The following TNRC6A variants were observed in gnomAD, a reference collection of about 807,000 sequenced individuals.
TNRC6A encodes the protein trinucleotide repeat-containing gene 6A protein.
Under a neutral mutation model 221.2 loss-of-function variants are expected in TNRC6A, and 44 were observed. The observed-to-expected ratio is 0.20, with a 90% CI of 0.16 to 0.26. The LOEUF is 0.26. TNRC6A is among the 10% of genes least tolerant of loss of function. The pLI, the probability that TNRC6A is intolerant of heterozygous loss-of-function variation, is 1.00. For missense variants in TNRC6A, 2,199 were observed against 2,404.4 expected, an observed-to-expected ratio of 0.91 and a Z score of 1.79; for synonymous variants, 847 against 838.5, an observed-to-expected ratio of 1.01 and a Z score of -0.18.
rs151019290 is a variant in TNRC6A, at chr16:24,755,666, A to T, written c.142-2673A>T. Among the ~76,000 whole-genome samples the T allele has an allele frequency of 2.8e-3, 426 of 152,320 alleles. 5 individuals carry two copies. The highest frequency in any genetic ancestry group is 9.9e-3 in the African/African-American group (413 of 41,574). ...AGGTCTTAACGAAGTGTGCTTCAGG[A>T]CCATGTTGTTGGGACAAGCAGTGCA... On this transcript the variant is annotated intron_variant, in intron 3 of 24. Coordinates refer to ENST00000395799, the MANE Select transcript of TNRC6A (RefSeq NM_014494.4).
rs768425942 is a variant in TNRC6A at position 24,777,059 on chromosome 16, AGCAGCAGCAACAGCAGCAGCC to A, written c.300_320del (p.Gln102_Gln108del). On this transcript the variant is annotated inframe_deletion, in exon 5 of 25. Transcript: ENST00000395799. Reference sequence around the variant, plus strand: ...ACAGCCAACAATCAGCAGCCACAGCAGCAGCAGCAACAGCAGCAGCCGCAGCAGCAGCAGCCACAGCAGCAG... The same window carrying A: ...ACAGCCAACAATCAGCAGCCACAGCAGCAGCAGCAGCAGCCACAGCAGCAG... The A allele has an allele frequency of 1.4e-5, 23 of 1,608,040 alleles. No individual in the cohort carries two copies. The highest frequency in any genetic ancestry group is 4.4e-5 in the South Asian group (4 of 90,936).
chr16:24,650,303 C>T (rs1394934450), intron 2 of TNRC6A, among the ~76,000 whole-genome samples: 1 of 152,082 alleles, frequency 6.6e-6, no homozygotes, highest in Non-Finnish European at 1.5e-5. Context: ...GCAAAGGTAA[C>T]ATGCAATTCA....
chr16:24,660,696 A>C lies in TNRC6A; in HGVS notation n.402+19687A>C, dbSNP rs986794221. ...TTAGATTCAACATTGTCTGATATTA[A>C]TATCATGAATTCAGCTTTCTTTTTC... On this transcript the variant is annotated intron_variant and non_coding_transcript_variant, in intron 2 of 2. Coordinates refer to the TNRC6A transcript ENST00000566108. Among the ~76,000 whole-genome samples the C allele has an allele frequency of 1.4e-4, 20 of 147,898 alleles. No homozygotes were observed. The South Asian group carries it at 4.2e-3, about 31-fold the overall frequency.
intron 2 of TNRC6A, among the ~76,000 whole-genome samples, chr16:24,740,061 C>T (rs1219484664): frequency 6.6e-6 from 1 of 152,180 alleles, no homozygotes; most frequent in Non-Finnish European, 1.5e-5. Flanking sequence ...TTCATCTTGG[C>T]ACCCTGTTGA....
At chr16:24,799,497 A>T (rs747282840) in intron 11 of TNRC6A, among the ~76,000 whole-genome samples, 1 of 152,250 alleles carries the variant, frequency 6.6e-6, no homozygotes, top group African/African-American at 2.4e-5. Context: ...GGGTCATTGT[A>T]TTCATCACTG....
chr16:24,729,809 G>T lies in TNRC6A; in HGVS notation c.-33G>T. The T allele has an allele frequency of 7.1e-7, 1 of 1,408,064 alleles. No individual in the cohort carries two copies. The highest frequency in any genetic ancestry group is 3.1e-5 in the East Asian group (1 of 32,064). The allele number at this position is 1,408,064 out of a possible 1,614,324, so 87.2% of individuals were successfully genotyped here. ...GGCTTGAGGCTCGCGAGCCTCCTTC[G>T]CCGCGCCCCACTTGCTCGTGCACTT... On this transcript the variant is annotated 5_prime_UTR_variant, in exon 1 of 25. Transcript: ENST00000395799.
chr16:24,715,002 G>A (rs1452827973), intron 2 of TNRC6A, among the ~76,000 whole-genome samples: 3 of 150,078 alleles, frequency 2.0e-5, no homozygotes, highest in African/African-American at 2.5e-5. Flanking sequence ...TCAGCCTCCC[G>A]AGTAGCTGTG....
intron 1 of TNRC6A, among the ~76,000 whole-genome samples, chr16:24,628,442 A>T (rs1029553392): frequency 2.0e-5 from 3 of 151,994 alleles, no homozygotes; most frequent in Non-Finnish European, 1.5e-5. Flanking sequence ...AAAGAAAAAA[A>T]AAAGTTATAC....
chr16:24,708,535 C>T (rs535777661), intron 2 of TNRC6A, among the ~76,000 whole-genome samples: 1 of 152,148 alleles, frequency 6.6e-6, no homozygotes, highest in Admixed American at 6.6e-5. Flanking sequence ...GCCACCGCCC[C>T]CAGCCATGGA....
In TNRC6A at chr16:24,668,536, C is replaced by A. The variant is rs142334545; in HGVS notation, n.402+27527C>A. Among the ~76,000 whole-genome samples, 4 of 152,254 alleles carry A rather than the reference C, an allele frequency of 2.6e-5. No individual in the cohort carries two copies. In the East Asian group the frequency reaches 7.7e-4, roughly 29 times the overall value. On this transcript the variant is annotated intron_variant and non_coding_transcript_variant, in intron 2 of 2. Transcript: ENST00000566108. The stretch of plus-strand genomic sequence containing the variant: ...CTTCAGTGCCTCTGAACTACTTAAG[C>A]AGTCTGAAACTGGCATCACGCTTGC...
At chr16:24,611,103 G>T (rs71391572) in intron 1 of TNRC6A, among the ~76,000 whole-genome samples, 12,987 of 152,154 alleles carry the variant, frequency 0.085, 706 homozygotes, top group Non-Finnish European at 0.12. Flanking sequence ...ATCAACCCCT[G>T]AGTCCAGCTG....
chr16:24,667,452 A>G (rs1567339442), intron 2 of TNRC6A, among the ~76,000 whole-genome samples: 1 of 152,212 alleles, frequency 6.6e-6, no homozygotes. Context: ...ATTGTGGTCC[A>G]AGTAGATCAT....
chr16:24,714,718 T>C (rs1184176612), intron 2 of TNRC6A, among the ~76,000 whole-genome samples: 1 of 152,186 alleles, frequency 6.6e-6, no homozygotes, highest in African/African-American at 2.4e-5. Flanking sequence ...GCTTAACTTT[T>C]AGGATATATG....
At chr16:24,697,482 C>T (rs1441120723) in intron 2 of TNRC6A, among the ~76,000 whole-genome samples, 4 of 151,254 alleles carry the variant, frequency 2.6e-5, no homozygotes, top group South Asian at 2.1e-4. Flanking sequence ...GCCAGGAGTT[C>T]GAGACCAGCC....
At chr16:24,686,556 C>T (rs2055629650) in intron 2 of TNRC6A, among the ~76,000 whole-genome samples, 1 of 152,168 alleles carries the variant, frequency 6.6e-6, no homozygotes, top group Non-Finnish European at 1.5e-5. Context: ...ATTATTTACT[C>T]ATTCTTTCTT....
chr16:24,635,166 CTTCCTTCCTTCT>C (rs1901572761), intron 1 of TNRC6A, among the ~76,000 whole-genome samples: 1 of 136,882 alleles, frequency 7.3e-6, no homozygotes, highest in African/African-American at 2.7e-5. Context: ...TCCTTCCTTC[CTTCCTTCCTTCT>C]TTCCTTCCTT....
intron 2 of TNRC6A, among the ~76,000 whole-genome samples, chr16:24,721,092 G>A (rs2056403196): frequency 6.6e-6 from 1 of 152,100 alleles, no homozygotes; most frequent in South Asian, 2.1e-4. Flanking sequence ...GGTGTTGATG[G>A]GCTAAGAATG....
chr16:24,778,728 C>T (rs1440633221), intron 5 of TNRC6A, among the ~76,000 whole-genome samples: 5 of 151,986 alleles, frequency 3.3e-5, no homozygotes, highest in African/African-American at 1.2e-4. Flanking sequence ...AATTATCTTC[C>T]TAATAACTCT....
intron 19 of TNRC6A, chr16:24,816,594 A>G (rs888883757): frequency 4.0e-5 from 21 of 523,360 alleles, no homozygotes; most frequent in Non-Finnish European, 6.7e-5. Context: ...GTATATTCAC[A>G]TTCAGTGAGA....
Sources: gnomAD v4.1 joint callset for allele counts (sites outside exome capture counted in the v4.1 genomes callset) on GRCh38, gnomAD v4.1.1 for gene constraint, MANE v1.5 for transcripts, NCBI Gene and HGNC (gene_info 2026-07-23, HGNC 2026-07-21) for gene names.